The following CLIP4 variants were observed in gnomAD, a reference collection of about 807,000 sequenced individuals.
The protein encoded by CLIP4 is CAP-Gly domain-containing linker protein 4.
Under a neutral mutation model 73.1 loss-of-function variants are expected in CLIP4, and 47 were observed. The observed-to-expected ratio is 0.64, with a 90% CI of 0.51 to 0.82. The LOEUF is 0.82. CLIP4 is among the 40% of genes least tolerant of loss of function. CLIP4 has a pLI of 0.00. For synonymous variants in CLIP4, 306 were observed against 295.4 expected, an observed-to-expected ratio of 1.04 and a Z score of -0.37; for missense variants, 874 against 852.9, an observed-to-expected ratio of 1.02 and a Z score of -0.31.
At chr2:29,160,798 TA>T (rs1479173654) in intron 12 of CLIP4, among the ~76,000 whole-genome samples, 1 of 152,206 alleles carries the variant, frequency 6.6e-6, no homozygotes, top group African/African-American at 2.4e-5. Flanking sequence ...GGATAATCTT[TA>T]AAATAAGTAG....
At chr2:29,175,045 G>GA (rs1291258368) in intron 15 of CLIP4, among the ~76,000 whole-genome samples, 16 of 152,158 alleles carry the variant, frequency 1.1e-4, no homozygotes, top group Non-Finnish European at 1.9e-4. Context: ...GGTGCTGCCA[G>GA]TTAATCTATG....
chr2:29,108,108 A>T (rs1226877237), intron 1 of CLIP4, among the ~76,000 whole-genome samples: 1 of 152,188 alleles, frequency 6.6e-6, no homozygotes, highest in African/African-American at 2.4e-5. Context: ...ATGTTCTAAG[A>T]TTCCCAGTGG....
chr2:29,162,088 A>AT (rs903076086), intron 12 of CLIP4, among the ~76,000 whole-genome samples: 1 of 152,126 alleles, frequency 6.6e-6, no homozygotes, highest in South Asian at 2.1e-4. Flanking sequence ...CAGGTAGGTT[A>AT]TTTTTTTACA....
At chr2:29,132,371 G>C (rs1388483885) in intron 4 of CLIP4, 126 bp downstream of exon 4, 1 of 752,546 alleles carries the variant, frequency 1.3e-6, no homozygotes, top group Non-Finnish European at 2.2e-6. Context: ...TGCCTGAAGA[G>C]CTGAGGATTC....
Position 29,181,564 on chromosome 2 carries a change from C to G in CLIP4, c.1797-8C>G, listed in dbSNP as rs780011276. On this transcript the variant is annotated splice_polypyrimidine_tract_variant and splice_region_variant and intron_variant, in intron 15 of 15. Coordinates refer to ENST00000320081, the MANE Select transcript of CLIP4 (RefSeq NM_024692.6). The stretch of plus-strand genomic sequence containing the variant: ...AAATAATTTTTCCCACTTTTCCCTT[C>G]CGCACAGATCGAAAGCTGCTTTGCG... The G allele has an allele frequency of 8.2e-6, 13 of 1,594,904 alleles. No individual in the cohort carries two copies. In the East Asian group the frequency reaches 2.9e-4, roughly 36 times the overall value.
At chr2:29,177,769 T>C (rs1668430008) in intron 15 of CLIP4, among the ~76,000 whole-genome samples, 1 of 152,212 alleles carries the variant, frequency 6.6e-6, no homozygotes, top group Non-Finnish European at 1.5e-5. Flanking sequence ...GTAGTATTTA[T>C]AACATTTTAC....
intron 15 of CLIP4, 83 bp downstream of exon 15, chr2:29,174,528 A>T: frequency 3.9e-6 from 6 of 1,539,836 alleles, no homozygotes; most frequent in Non-Finnish European, 5.2e-6. Context: ...GGAGTGCTGT[A>T]TCTTTTGCAT....
chr2:29,136,304 G>A (rs749138994), intron 6 of CLIP4, among the ~76,000 whole-genome samples: 1 of 151,740 alleles, frequency 6.6e-6, no homozygotes, highest in African/African-American at 2.4e-5. Flanking sequence ...GTGTGTGAGC[G>A]GCAGATAGTG....
At chr2:29,109,122 G>C (rs889952408) in intron 1 of CLIP4, among the ~76,000 whole-genome samples, 5 of 152,140 alleles carry the variant, frequency 3.3e-5, no homozygotes, top group Non-Finnish European at 7.3e-5. Flanking sequence ...ATTTCTAGAG[G>C]CTTGGTCAGA....
chr2:29,105,298 G>T (rs1425317190), intron 1 of CLIP4, among the ~76,000 whole-genome samples: 2 of 152,204 alleles, frequency 1.3e-5, no homozygotes, highest in African/African-American at 4.8e-5. Context: ...AATCTAAGTT[G>T]AATTGGTAAA....
intron 1 of CLIP4, among the ~76,000 whole-genome samples, chr2:29,104,538 C>T (rs542597286): frequency 2.0e-4 from 30 of 152,316 alleles, no homozygotes; most frequent in African/African-American, 5.8e-4. Context: ...CCACCTGCCT[C>T]GGCCTCCCAA....
intron 1 of CLIP4, among the ~76,000 whole-genome samples, chr2:29,104,613 C>T (rs1451535268): frequency 3.3e-5 from 5 of 152,162 alleles, no homozygotes; most frequent in African/African-American, 1.2e-4. Flanking sequence ...ATTGTAGGAG[C>T]TGAGGACTGT....
At position 29,132,107 on chromosome 2, in the gene CLIP4, A is replaced by G. The variant is rs200932113; in HGVS notation, c.274-45A>G. 8.4e-6 allele frequency: 12 copies of G among 1,423,400 alleles called. No individual in the cohort carries two copies. The East Asian group carries it at 2.0e-4, about 24-fold the overall frequency. 88.2% of individuals were successfully genotyped at this position (1,423,400 alleles called of 1,614,324 possible). A position where few individuals can be genotyped will look rare whatever the true frequency, so the allele number is the denominator to read the frequency against. On this transcript the variant is annotated intron_variant, in intron 3 of 15. Transcript: ENST00000320081. Reference sequence around the variant, plus strand: ...CAGCATTGGTTTGAAAGCAATAGGTACCTCAGTAGTTAGGTTGTAACCATA... The same window carrying G: ...CAGCATTGGTTTGAAAGCAATAGGTGCCTCAGTAGTTAGGTTGTAACCATA...
chr2:29,162,190 T>C (rs141760149), intron 12 of CLIP4, among the ~76,000 whole-genome samples: 1,817 of 152,328 alleles, frequency 0.012, 18 homozygotes, highest in Non-Finnish European at 0.02. Context: ...TCATTTTAGG[T>C]TGATTTCAGT....
chr2:29,155,718 C>T (rs1666880121), intron 9 of CLIP4, among the ~76,000 whole-genome samples: 1 of 152,196 alleles, frequency 6.6e-6, no homozygotes, highest in African/African-American at 2.4e-5. Flanking sequence ...AGTTCAGGCT[C>T]TCATGCTTGG....
chr2:29,127,566 T>C (rs878927556), intron 2 of CLIP4, among the ~76,000 whole-genome samples: 6 of 152,140 alleles, frequency 3.9e-5, no homozygotes, highest in Admixed American at 2.0e-4. Flanking sequence ...GACATAAAAA[T>C]TATAATCACC....
At chr2:29,181,247 G>A (rs1668626211) in intron 15 of CLIP4, among the ~76,000 whole-genome samples, 1 of 152,174 alleles carries the variant, frequency 6.6e-6, no homozygotes, top group African/African-American at 2.4e-5. Context: ...TCATCATAAA[G>A]ATCTTCTTCT....
At chr2:29,165,685 T>A (rs1667564529) in intron 13 of CLIP4, among the ~76,000 whole-genome samples, 1 of 152,328 alleles carries the variant, frequency 6.6e-6, no homozygotes, top group Non-Finnish European at 1.5e-5. Flanking sequence ...AAGTTTTGTT[T>A]GTTTCCTAGT....
At chr2:29,181,495 A>C in intron 15 of CLIP4, 77 bp from the exon 16 acceptor site, 2 of 1,137,814 alleles carry the variant, frequency 1.8e-6, no homozygotes, top group Non-Finnish European at 1.3e-6. Context: ...TGAATCTGGC[A>C]GTGGAAATGA....
Sources: gnomAD v4.1 joint callset for allele counts (sites outside exome capture counted in the v4.1 genomes callset) on GRCh38, gnomAD v4.1.1 for gene constraint, MANE v1.5 for transcripts, NCBI Gene and HGNC (gene_info 2026-07-23, HGNC 2026-07-21) for gene names.